The following SGCD variants were observed in gnomAD, a reference collection of about 807,000 sequenced individuals.
SGCD encodes sarcoglycan delta.
Under a neutral mutation model 36.6 loss-of-function variants are expected in SGCD, and 18 were observed. The ratio of observed to expected loss-of-function variants is 0.49; its 90% CI spans 0.34 to 0.73. The LOEUF (loss-of-function observed/expected upper bound fraction) is 0.73, where lower values mean the gene tolerates loss of function less well. Among genes scored for constraint, SGCD ranks in the 30% least tolerant of loss-of-function variants. The pLI, the probability that SGCD is intolerant of heterozygous loss-of-function variation, is 0.01. For missense variants in SGCD, 387 were observed against 346.7 expected (o/e 1.12, Z -0.92); for synonymous variants, 133 against 130.6 (o/e 1.02, Z -0.12).
the SGCD span, among the ~76,000 whole-genome samples, chr5:155,769,095 G>T: frequency 6.6e-6 from 1 of 152,046 alleles, no homozygotes; most frequent in Non-Finnish European, 1.5e-5. Context: ...AGATGAGTAG[G>T]ATTTGTATAT....
At chr5:156,092,916 G>A (rs958571709) in intron 1 of SGCD, among the ~76,000 whole-genome samples, 3 of 152,222 alleles carry the variant, frequency 2.0e-5, no homozygotes, top group Non-Finnish European at 4.4e-5. Flanking sequence ...GGTGCTTTGT[G>A]CTTCTGTTGT....
the SGCD span, among the ~76,000 whole-genome samples, chr5:155,779,929 G>T: frequency 6.6e-6 from 1 of 151,862 alleles, no homozygotes; most frequent in Non-Finnish European, 1.5e-5. Flanking sequence ...ATATCTACTG[G>T]ACACTCAGGT....
At chr5:156,738,299 AAAGAGAGTCCC>A (rs1414318608) in intron 7 of SGCD, among the ~76,000 whole-genome samples, 2 of 152,208 alleles carry the variant, frequency 1.3e-5, no homozygotes, top group African/African-American at 2.4e-5. Flanking sequence ...GGAGGACCAT[AAAGAGAGTCCC>A]TCTGGAAACT....
Position 156,005,213 on chromosome 5 carries a change from C to A in SGCD, c.-281-112665C>A, listed in dbSNP as rs143121271. 2.1e-4 allele frequency among the ~76,000 whole-genome samples: 32 copies of A among 152,216 alleles called. No homozygotes were observed. In the East Asian group the frequency reaches 5.2e-3, roughly 25 times the overall value. The stretch of plus-strand genomic sequence containing the variant: ...ACATCTGAAACAGTTGAGAAGGATC[C>A]CGATACTCTCTTGGCAGCTACGTTC... On this transcript the variant is annotated intron_variant, in intron 1 of 9. Coordinates refer to the SGCD transcript ENST00000517913.
intron 4 of SGCD, among the ~76,000 whole-genome samples, chr5:156,543,020 G>A (rs962105535): frequency 3.9e-5 from 6 of 152,170 alleles, no homozygotes; most frequent in Non-Finnish European, 8.8e-5. Context: ...ATGAGGGCAA[G>A]ATCAGGTCTA....
At chr5:156,369,726 C>T (rs1054550036) in intron 3 of SGCD, among the ~76,000 whole-genome samples, 13 of 152,058 alleles carry the variant, frequency 8.5e-5, no homozygotes, top group African/African-American at 2.7e-4. Context: ...TTGCAAACTC[C>T]GGACAGTCAG....
intron 7 of SGCD, among the ~76,000 whole-genome samples, chr5:156,733,114 T>G (rs1756165675): frequency 6.6e-6 from 1 of 152,142 alleles, no homozygotes; most frequent in African/African-American, 2.4e-5. Flanking sequence ...TTGAGGTTTG[T>G]TTGCTCTTGG....
intron 4 of SGCD, among the ~76,000 whole-genome samples, chr5:156,509,491 T>C (rs956268397): frequency 7.9e-5 from 12 of 152,116 alleles, no homozygotes; most frequent in African/African-American, 2.7e-4. Context: ...CACTACAGAG[T>C]GTGTACCCTG....
intron 3 of SGCD, among the ~76,000 whole-genome samples, chr5:156,269,781 G>A (rs1288485432): frequency 1.3e-5 from 2 of 152,152 alleles, no homozygotes; most frequent in Non-Finnish European, 2.9e-5. Flanking sequence ...TTTGTCAGAT[G>A]CATAGTTTGC....
At chr5:156,042,966 A>G (rs1759674630) in intron 1 of SGCD, among the ~76,000 whole-genome samples, 1 of 152,142 alleles carries the variant, frequency 6.6e-6, no homozygotes, top group Non-Finnish European at 1.5e-5. Context: ...TACAAAGGCA[A>G]TTTAGTTTTG....
intron 7 of SGCD, among the ~76,000 whole-genome samples, chr5:156,695,527 A>AGATAGATAGATAGATAGATAGATG (rs1561862014): frequency 5.7e-5 from 3 of 53,076 alleles, no homozygotes; most frequent in African/African-American, 8.1e-5. Context: ...ATAGATAGAT[A>AGATAGATAGATAGATAGATAGATG]GATAGATAGA....
At position 156,765,766 on chromosome 5, in the gene SGCD, C is replaced by A. The variant is rs1402304443; in HGVS notation, c.*6376C>A. Reference sequence around the variant, plus strand: ...GCAGAGCTGGAATGTAGGTTTAACTCCTGACCACTATGCTATAAAGTCACC... The same window carrying A: ...GCAGAGCTGGAATGTAGGTTTAACTACTGACCACTATGCTATAAAGTCACC... On this transcript the variant is annotated 3_prime_UTR_variant, in exon 9 of 9. Coordinates refer to ENST00000337851, the MANE Select transcript of SGCD (RefSeq NM_000337.6). 1 of 152,094 alleles carries A rather than the reference C, an allele frequency of 6.6e-6. No individual in the cohort carries two copies. The highest frequency in any genetic ancestry group is 1.5e-5 in the Non-Finnish European group (1 of 68,026). 9.4% of individuals were successfully genotyped at this position (152,094 alleles called of 1,614,324 possible).
chr5:156,267,942 A>G (rs1766046126), intron 3 of SGCD, among the ~76,000 whole-genome samples: 1 of 152,112 alleles, frequency 6.6e-6, no homozygotes, highest in Admixed American at 6.5e-5. Flanking sequence ...CCAGGTATAA[A>G]GCTTAGTACC....
At chr5:156,520,248 A>T (rs1258741103) in intron 4 of SGCD, among the ~76,000 whole-genome samples, 1 of 151,036 alleles carries the variant, frequency 6.6e-6, no homozygotes, top group Admixed American at 6.6e-5. Context: ...CCAAATCATG[A>T]ATGAACTCCC....
intron 3 of SGCD, among the ~76,000 whole-genome samples, chr5:156,172,002 G>A (rs971666024): frequency 6.6e-6 from 1 of 152,144 alleles, no homozygotes; most frequent in African/African-American, 2.4e-5. Flanking sequence ...AGATCAGCAG[G>A]CCGGTCGTGG....
At chr5:156,634,104 T>C (rs1762735715) in intron 6 of SGCD, among the ~76,000 whole-genome samples, 1 of 152,104 alleles carries the variant, frequency 6.6e-6, no homozygotes, top group Non-Finnish European at 1.5e-5. Flanking sequence ...TCCAAGTCAC[T>C]CCTCTCTCCT....
chr5:156,174,990 A>C (rs1763431469), intron 3 of SGCD, among the ~76,000 whole-genome samples: 1 of 152,210 alleles, frequency 6.6e-6, no homozygotes, highest in African/African-American at 2.4e-5. Context: ...AAATGTAAGC[A>C]AGAACAGTAA....
chr5:156,538,630 A>T (rs1356832235), intron 4 of SGCD, among the ~76,000 whole-genome samples: 1 of 151,876 alleles, frequency 6.6e-6, no homozygotes, highest in Non-Finnish European at 1.5e-5. Flanking sequence ...TATAACACTT[A>T]AAAAAAAGCC....
Position 156,345,016 on chromosome 5 carries a change from A to C in SGCD, c.192+339A>C, listed in dbSNP as rs551935682. Among the ~76,000 whole-genome samples, 40 of 152,362 alleles carry C rather than the reference A, an allele frequency of 2.6e-4. No homozygotes were observed. In the South Asian group the frequency reaches 4.8e-3, roughly 18 times the overall value. On this transcript the variant is annotated intron_variant, in intron 3 of 8. Transcript: ENST00000337851. ...CAATAGAGAATAAATTCAAAGTATT[A>C]AGTTTTCAGCAAGTGTAGTGATTAT...
Sources: allele counts gnomAD v4.1 joint callset (sites outside exome capture counted in the v4.1 genomes callset), GRCh38; gene constraint gnomAD v4.1.1; transcripts MANE v1.5; gene names NCBI Gene and HGNC (gene_info 2026-07-23, HGNC 2026-07-21).